The following CCDC85A variants were observed in gnomAD, a reference collection of about 807,000 sequenced individuals.
The protein encoded by CCDC85A is coiled-coil domain-containing protein 85A.
Under a neutral mutation model 50.2 loss-of-function variants are expected in CCDC85A, and 38 were observed. That is an observed-to-expected ratio of 0.76 (90% CI 0.58 to 0.99). The LOEUF is 0.99. Among genes scored for constraint, CCDC85A ranks in the 50% least tolerant of loss-of-function variants. The probability of loss-of-function intolerance (pLI) is 0.00; values close to 1 mark genes in which losing one functional copy is unlikely to be tolerated. For synonymous variants in CCDC85A, 366 were observed against 301.4 expected (o/e 1.21, Z -2.22); for missense variants, 820 against 742.0 (o/e 1.11, Z -1.22).
chr2:56,356,667 G>A (rs918681644), intron 3 of CCDC85A, among the ~76,000 whole-genome samples: 5 of 150,606 alleles, frequency 3.3e-5, no homozygotes, highest in African/African-American at 1.2e-4. Flanking sequence ...AGAGGTTGCA[G>A]TGAGCTGAGA....
intron 2 of CCDC85A, among the ~76,000 whole-genome samples, chr2:56,205,027 G>A (rs1168614887): frequency 6.6e-6 from 1 of 152,090 alleles, no homozygotes; most frequent in Middle Eastern, 3.2e-3. Flanking sequence ...GACAACAAAT[G>A]GACTGGCCAT....
intron 2 of CCDC85A, among the ~76,000 whole-genome samples, chr2:56,307,709 G>T (rs533281203): frequency 1.3e-5 from 2 of 152,134 alleles, no homozygotes; most frequent in Non-Finnish European, 2.9e-5. Flanking sequence ...ACTGCCCAAA[G>T]TAATGTACCT....
chr2:56,261,681 G>A (rs1420578906), intron 2 of CCDC85A, among the ~76,000 whole-genome samples: 1 of 152,172 alleles, frequency 6.6e-6, no homozygotes, highest in Admixed American at 6.5e-5. Flanking sequence ...CAGTACATTT[G>A]CTGTTTGGAA....
chr2:56,254,952 G>A (rs927156442), intron 2 of CCDC85A, among the ~76,000 whole-genome samples: 10 of 152,196 alleles, frequency 6.6e-5, no homozygotes. Flanking sequence ...CATCACAAAG[G>A]TTTGCTTCTT....
intron 2 of CCDC85A, among the ~76,000 whole-genome samples, chr2:56,252,336 G>A (rs1025801613): frequency 2.6e-5 from 4 of 152,148 alleles, no homozygotes; most frequent in African/African-American, 7.2e-5. Context: ...GTGAGCCACT[G>A]CGCCTGACCT....
chr2:56,300,923 C>G (rs1333379960), intron 2 of CCDC85A, among the ~76,000 whole-genome samples: 8 of 152,104 alleles, frequency 5.3e-5, no homozygotes. Context: ...TTTATTTTTC[C>G]TACAAACACA....
intron 3 of CCDC85A, among the ~76,000 whole-genome samples, chr2:56,370,557 C>A (rs756698011): frequency 1.3e-5 from 2 of 151,962 alleles, no homozygotes; most frequent in Non-Finnish European, 2.9e-5. Flanking sequence ...ATTAATAATA[C>A]TATAAAATAC....
chr2:56,312,026 G>A (rs1041630840), intron 2 of CCDC85A, among the ~76,000 whole-genome samples: 2 of 152,064 alleles, frequency 1.3e-5, no homozygotes, highest in African/African-American at 2.4e-5. Flanking sequence ...GACGGTCGGG[G>A]CACTTGCTTC....
chr2:56,202,745 T>C (rs1004446866), intron 2 of CCDC85A, among the ~76,000 whole-genome samples: 1 of 152,242 alleles, frequency 6.6e-6, no homozygotes, highest in Non-Finnish European at 1.5e-5. Flanking sequence ...GAGTTGCAGA[T>C]TTTTGTTCAT....
intron 2 of CCDC85A, among the ~76,000 whole-genome samples, chr2:56,275,977 A>C (rs970849790): frequency 6.6e-6 from 1 of 152,194 alleles, no homozygotes; most frequent in African/African-American, 2.4e-5. Flanking sequence ...CCTATGGGCT[A>C]GCCTCATGAT....
intron 2 of CCDC85A, among the ~76,000 whole-genome samples, chr2:56,244,551 C>A (rs1403559094): frequency 6.6e-6 from 1 of 151,726 alleles, no homozygotes; most frequent in Non-Finnish European, 1.5e-5. Context: ...ACTGCAGGAT[C>A]CTCTCCCCTA....
At chr2:56,297,259 T>C (rs1473051236) in intron 2 of CCDC85A, among the ~76,000 whole-genome samples, 2 of 151,716 alleles carry the variant, frequency 1.3e-5, no homozygotes, top group Non-Finnish European at 2.9e-5. Flanking sequence ...TTCTTACTGG[T>C]ATGCTAAGAG....
intron 3 of CCDC85A, among the ~76,000 whole-genome samples, chr2:56,372,026 A>G (rs1558663985): frequency 6.6e-6 from 1 of 152,296 alleles, no homozygotes; most frequent in South Asian, 2.1e-4. Flanking sequence ...TTATTATTTT[A>G]TGCTGGTAAA....
chr2:56,329,945 G>T (rs10460553), intron 2 of CCDC85A, among the ~76,000 whole-genome samples: 7,836 of 43,714 alleles, frequency 0.18, 441 homozygotes, highest in East Asian at 0.38. Flanking sequence ...CAGATTTCCT[G>T]TTTTTTTTTT....
Position 56,375,914 on chromosome 2 carries a change from A to T in CCDC85A, c.1551A>T (p.Glu517Asp), listed in dbSNP as rs1676313227. Residue 517 changes from glutamate (E) to aspartate (D), a missense_variant, in exon 5 of 6, where the codon GAA (glutamate) becomes GAT (aspartate). Glu to Asp is a conservative substitution (Grantham distance 45). Coordinates refer to ENST00000407595, the MANE Select transcript of CCDC85A (RefSeq NM_001080433.2). ...SGHATPSQQP[E>D]PVVHSLKVVW... ...ATGCCACACCTTCCCAGCAGCCTGA[A>T]CCTGTGGTACATTCTCTTAAGGTAA... is the stretch of plus-strand genomic sequence containing the variant. The T allele has an allele frequency of 6.2e-7, 1 of 1,613,720 alleles. No individual in the cohort carries two copies. Among genetic ancestry groups the T allele is most frequent in the Non-Finnish European group, 8.5e-7 (1 of 1,179,770 alleles).
At position 56,192,672 on chromosome 2, in the gene CCDC85A, G is replaced by C; in HGVS notation, c.472G>C (p.Val158Leu). Reference sequence around the variant, plus strand: ...AGACCTGGAGGTGAAGCAGGAGGAAGTGGTGAAGGAGAACATGGAGCTCAA... The same window carrying C: ...AGACCTGGAGGTGAAGCAGGAGGAACTGGTGAAGGAGAACATGGAGCTCAA... ...LKDLEVKQEE[V>L]VKENMELKEL... Residue 158 changes from valine to leucine, a missense_variant, in exon 2 of 6, where the codon GTG (valine) becomes CTG (leucine). By Grantham distance (32) the Val-to-Leu change is conservative (BLOSUM62 1). Coordinates refer to ENST00000407595, the MANE Select transcript of CCDC85A (RefSeq NM_001080433.2). The surrounding 1 kb of genome is among the most constrained non-coding windows in gnomAD (Gnocchi z 4.7). The C allele has an allele frequency of 6.2e-7, 1 of 1,613,908 alleles. No individual in the cohort carries two copies. Among genetic ancestry groups the C allele is most frequent in the Non-Finnish European group, 8.5e-7 (1 of 1,179,866 alleles).
At chr2:56,226,826 A>C (rs986121610) in intron 2 of CCDC85A, among the ~76,000 whole-genome samples, 3 of 152,006 alleles carry the variant, frequency 2.0e-5, no homozygotes, top group Admixed American at 6.6e-5. Flanking sequence ...TGGAAATCTG[A>C]GTTCCTAGCA....
intron 3 of CCDC85A, among the ~76,000 whole-genome samples, chr2:56,347,934 A>G (rs1030637435): frequency 6.6e-6 from 1 of 152,210 alleles, no homozygotes; most frequent in Non-Finnish European, 1.5e-5. Flanking sequence ...ACTAGAAAAT[A>G]TCTTTAAATG....
chr2:56,185,916 C>T (rs962219161), intron 1 of CCDC85A: 1 of 152,318 alleles, frequency 6.6e-6, no homozygotes, highest in Non-Finnish European at 1.5e-5. Flanking sequence ...ACTGCAGGGA[C>T]TTCAGGGAGC....
Sources: gnomAD v4.1 joint callset for allele counts (sites outside exome capture counted in the v4.1 genomes callset) on GRCh38, gnomAD v4.1.1 for gene constraint, Gnocchi (gnomAD v3.1) non-coding constraint, MANE v1.5 for transcripts, NCBI Gene and HGNC (gene_info 2026-07-23, HGNC 2026-07-21) for gene names.